The following SLC39A12 variants were observed in gnomAD, a reference collection of about 807,000 sequenced individuals.
SLC39A12 encodes zinc transporter ZIP12.
SLC39A12 carries 63 observed loss-of-function variants against 71.1 expected under a neutral mutation model. The observed-to-expected ratio is 0.89, with a 90% CI of 0.72 to 1.09. SLC39A12 has a LOEUF of 1.09. Among genes scored for constraint, SLC39A12 ranks in the 50% least tolerant of loss-of-function variants. The probability of loss-of-function intolerance (pLI) is 0.00; values close to 1 mark genes in which losing one functional copy is unlikely to be tolerated. For missense variants in SLC39A12, 892 were observed against 812.6 expected (o/e 1.10, Z -1.19); for synonymous variants, 351 against 301.3 (o/e 1.16, Z -1.71).
intron 12 of SLC39A12, among the ~76,000 whole-genome samples, chr10:18,033,965 G>T (rs1351064886): frequency 5.4e-5 from 8 of 149,204 alleles, no homozygotes; most frequent in African/African-American, 1.7e-4. Flanking sequence ...GTGGCTTTGA[G>T]TGAGATTCTT....
chr10:17,984,664 T>C (rs1835356613), intron 6 of SLC39A12, among the ~76,000 whole-genome samples: 1 of 152,218 alleles, frequency 6.6e-6, no homozygotes, highest in African/African-American at 2.4e-5. Context: ...TACATTAGAA[T>C]GATAAAAGAC....
chr10:17,965,842 G>C, intron 4 of SLC39A12, 152 bp downstream of exon 4: 1 of 678,570 alleles, frequency 1.5e-6, no homozygotes, highest in East Asian at 2.8e-5. Flanking sequence ...AGCTTATGTG[G>C]CCTTTCAAGG....
chr10:17,989,462 T>A (rs1835484883), intron 7 of SLC39A12, among the ~76,000 whole-genome samples: 1 of 147,440 alleles, frequency 6.8e-6, no homozygotes. Context: ...TGCCCAGGAG[T>A]CTGGGAAGCA....
intron 12 of SLC39A12, among the ~76,000 whole-genome samples, chr10:18,012,885 A>AT (rs1491528059): frequency 7.1e-6 from 1 of 140,068 alleles, no homozygotes; most frequent in African/African-American, 2.6e-5. Context: ...AAAAAAAAAA[A>AT]GGGCTTAAAT....
At chr10:18,034,037 C>G (rs1468298478) in intron 12 of SLC39A12, among the ~76,000 whole-genome samples, 1 of 148,196 alleles carries the variant, frequency 6.7e-6, no homozygotes, top group Non-Finnish European at 1.5e-5. Context: ...AATTTCTGTT[C>G]TTTTACATTT....
At chr10:18,040,162 C>T (rs1837180780) in intron 12 of SLC39A12, among the ~76,000 whole-genome samples, 3 of 152,138 alleles carry the variant, frequency 2.0e-5, no homozygotes, top group Admixed American at 2.0e-4. Context: ...AAAATATAGA[C>T]TGTTTTATCC....
intron 4 of SLC39A12, among the ~76,000 whole-genome samples, chr10:17,968,129 G>T (rs1834880235): frequency 7.6e-6 from 1 of 131,084 alleles, no homozygotes; most frequent in Admixed American, 8.1e-5. Context: ...CCTGCTTCAT[G>T]ATTATTTTTG....
At chr10:17,997,042 A>G (rs1310446849) in intron 10 of SLC39A12, among the ~76,000 whole-genome samples, 1 of 151,464 alleles carries the variant, frequency 6.6e-6, no homozygotes, top group African/African-American at 2.4e-5. Context: ...AAAAAAGAAA[A>G]AGAAAAAAGA....
chr10:18,000,879 C>A (rs1835815839), intron 11 of SLC39A12, 54 bp downstream of exon 11: 4 of 1,521,012 alleles, frequency 2.6e-6, no homozygotes, highest in African/African-American at 1.4e-5. Context: ...GAAATAACAT[C>A]TTTCCAGCTA....
chr10:17,954,108 C>T (rs1375590247), intron 2 of SLC39A12, among the ~76,000 whole-genome samples: 5 of 152,144 alleles, frequency 3.3e-5, no homozygotes, highest in African/African-American at 1.2e-4. Flanking sequence ...ACAGCCTGAT[C>T]TTAGCCTACA....
At chr10:18,022,478 A>T (rs543490213) in intron 12 of SLC39A12, among the ~76,000 whole-genome samples, 1 of 152,122 alleles carries the variant, frequency 6.6e-6, no homozygotes, top group Non-Finnish European at 1.5e-5. Flanking sequence ...CAGTTCTATC[A>T]GCTCACTTTT....
intron 12 of SLC39A12, among the ~76,000 whole-genome samples, chr10:18,013,224 A>G (rs1263683380): frequency 6.6e-6 from 1 of 151,506 alleles, no homozygotes. Context: ...ATATATCACA[A>G]TAAGCTAAAA....
chr10:18,006,601 T>C (rs1467512354), intron 12 of SLC39A12, among the ~76,000 whole-genome samples: 2 of 152,148 alleles, frequency 1.3e-5, no homozygotes, highest in Non-Finnish European at 2.9e-5. Context: ...CCATCTGTGT[T>C]TTTATTAAGT....
intron 12 of SLC39A12, among the ~76,000 whole-genome samples, chr10:18,033,490 GGTGATATCCCCTTTATC>G (rs1836910479): frequency 6.7e-6 from 1 of 148,788 alleles, no homozygotes; most frequent in African/African-American, 2.5e-5. Flanking sequence ...TGGGATCGGT[GGTGATATCCCCTTTATC>G]ATTTTTTATT....
intron 12 of SLC39A12, among the ~76,000 whole-genome samples, chr10:18,035,754 C>G (rs538794443): frequency 5.3e-5 from 8 of 152,278 alleles, no homozygotes; most frequent in Non-Finnish European, 5.9e-5. Flanking sequence ...TTTTTCTGTT[C>G]TGTTTTTTCC....
chr10:17,961,080 C>A (rs1834676565), intron 2 of SLC39A12, among the ~76,000 whole-genome samples: 1 of 151,956 alleles, frequency 6.6e-6, no homozygotes. Context: ...GAGAGGGTGA[C>A]AATTTAGGCT....
intron 2 of SLC39A12, among the ~76,000 whole-genome samples, chr10:17,960,249 C>G (rs1370238297): frequency 6.6e-6 from 1 of 152,162 alleles, no homozygotes; most frequent in South Asian, 2.1e-4. Context: ...AATTCCCCAT[C>G]TCCAGTGATA....
intron 4 of SLC39A12, among the ~76,000 whole-genome samples, chr10:17,977,463 C>G (rs547561682): frequency 1.3e-5 from 2 of 152,162 alleles, no homozygotes; most frequent in East Asian, 3.9e-4. Context: ...TAGAGCTATA[C>G]TGAGGGAAAC....
chr10:17,961,993 T>A, intron 3 of SLC39A12, 131 bp downstream of exon 3: 1 of 912,948 alleles, frequency 1.1e-6, no homozygotes, highest in Non-Finnish European at 1.6e-6. Context: ...GTTTTGGTTA[T>A]GAGATGTTAA....
Sources: allele counts gnomAD v4.1 joint callset (sites outside exome capture counted in the v4.1 genomes callset), GRCh38; gene constraint gnomAD v4.1.1; transcripts MANE v1.5; gene names NCBI Gene and HGNC (gene_info 2026-07-23, HGNC 2026-07-21).